WDFY3: variants seen among roughly 807,000 people sequenced by gnomAD.
WDFY3 encodes the protein WD repeat and FYVE domain containing 3.
A neutral mutation model predicts 409.6 loss-of-function variants in WDFY3; 66 were observed. The ratio of observed to expected loss-of-function variants is 0.16; its 90% CI spans 0.13 to 0.20. The LOEUF is 0.20. Ranked by LOEUF, WDFY3 falls within the 10% of genes least tolerant of loss-of-function variation. The pLI, the probability that WDFY3 is intolerant of heterozygous loss-of-function variation, is 1.00. For synonymous variants in WDFY3, 1,521 were observed against 1,537.1 expected, an observed-to-expected ratio of 0.99 and a Z score of 0.25; for missense variants, 3,031 against 4,298.1, an observed-to-expected ratio of 0.71 and a Z score of 8.24.
chr4:84,947,234 C>T (rs1772971196), intron 1 of WDFY3, among the ~76,000 whole-genome samples: 5 of 151,278 alleles, frequency 3.3e-5, no homozygotes, highest in African/African-American at 1.2e-4. Flanking sequence ...TGCTAGGGGC[C>T]GGGCACAGTG....
intron 3 of WDFY3, among the ~76,000 whole-genome samples, chr4:84,896,202 G>A (rs908261813): frequency 2.6e-5 from 4 of 152,080 alleles, no homozygotes; most frequent in South Asian, 2.1e-4. Context: ...GTTGCAGTGA[G>A]CCGAGATTGT....
chr4:84,849,764 A>AAGAAAG (rs1473687895), intron 5 of WDFY3, 138 bp downstream of exon 5: 6 of 1,223,578 alleles, frequency 4.9e-6, no homozygotes, highest in Non-Finnish European at 6.7e-6. Flanking sequence ...ATGTGACTCT[A>AAGAAAG]AGAAAGGGAA....
chr4:84,910,851 G>A (rs1346072985), intron 2 of WDFY3, among the ~76,000 whole-genome samples: 1 of 151,648 alleles, frequency 6.6e-6, no homozygotes, highest in Non-Finnish European at 1.5e-5. Flanking sequence ...GATTACAGGT[G>A]TGTGCCACCA....
intron 3 of WDFY3, among the ~76,000 whole-genome samples, chr4:84,884,614 G>A (rs1334704857): frequency 6.6e-6 from 1 of 152,088 alleles, no homozygotes; most frequent in African/African-American, 2.4e-5. Context: ...TAATTTAAAT[G>A]TACTTAGGAA....
chr4:84,966,131 G>A (rs13123388), intron 1 of WDFY3, 78 bp downstream of exon 1: 2 of 151,782 alleles, frequency 1.3e-5, no homozygotes, highest in African/African-American at 4.8e-5. Flanking sequence ...CACGAACAAA[G>A]CGGCCAGGCG....
chr4:84,678,362 T>A, intron 65 of WDFY3, 83 bp from the exon 66 acceptor site: 1 of 1,007,436 alleles, frequency 9.9e-7, no homozygotes. Flanking sequence ...ATGGTGGCCT[T>A]AAACTTAGGG....
At chr4:84,905,363 C>T (rs1401968717) in intron 2 of WDFY3, among the ~76,000 whole-genome samples, 1 of 151,942 alleles carries the variant, frequency 6.6e-6, no homozygotes, top group Non-Finnish European at 1.5e-5. Context: ...TAAATAAATT[C>T]TTGACTTCCC....
At chr4:84,832,943 A>G (rs2149946170) in intron 7 of WDFY3, among the ~76,000 whole-genome samples, 1 of 152,262 alleles carries the variant, frequency 6.6e-6, no homozygotes, top group African/African-American at 2.4e-5. Context: ...GATCTTTAAA[A>G]GCAAAGATAT....
chr4:84,943,633 A>G (rs995940549), intron 1 of WDFY3, among the ~76,000 whole-genome samples: 2 of 152,230 alleles, frequency 1.3e-5, no homozygotes, highest in Non-Finnish European at 2.9e-5. Flanking sequence ...ATGCAGATCA[A>G]CTACACAGGA....
In WDFY3 at chr4:84,737,234, G is replaced by C; in HGVS notation, c.6707C>G (p.Ala2236Gly). 2.5e-6 allele frequency: 4 copies of C among 1,614,098 alleles called. No homozygotes were observed. The highest frequency in any genetic ancestry group is 1.7e-6 in the Non-Finnish European group (2 of 1,180,008). The change falls in exon 41 of 68, where the codon GCA (alanine) becomes GGA (glycine). Residue 2236 changes from alanine (A) to glycine (G), a missense_variant. Transcript: ENST00000295888. ...GGCAGCTTCTTCAATGAGTGGCCTT[G>C]CTGTAGCTATGTCCACGTGGCCCCT... ...NERGHVDIAT[A>G]RPLIEEAALK... is the part of the protein sequence containing the mutation.
chr4:84,726,782 T>G, intron 45 of WDFY3, 79 bp downstream of exon 45: 1 of 1,252,776 alleles, frequency 8.0e-7, no homozygotes, highest in Non-Finnish European at 1.1e-6. Flanking sequence ...TAGTCTACCA[T>G]GCACTTAAAA....
chr4:84,920,999 A>G (rs1439859039), intron 2 of WDFY3, among the ~76,000 whole-genome samples: 3 of 152,172 alleles, frequency 2.0e-5, no homozygotes, highest in Non-Finnish European at 2.9e-5. Context: ...TGAAATTTGA[A>G]TATGTCACTC....
Position 84,794,893 on chromosome 4 carries a change from C to G in WDFY3, c.3254G>C (p.Ser1085Thr). 1 of 1,571,772 alleles carries G rather than the reference C, an allele frequency of 6.4e-7. No homozygotes were observed. Residue 1085 changes from serine (S) to threonine (T), a missense_variant, in exon 20 of 68, where the codon AGT becomes ACT. Coordinates refer to ENST00000295888, the MANE Select transcript of WDFY3 (RefSeq NM_014991.6). ...ATATTACTTACCAGAACCAATGCCA[C>G]TGACCACAGCCCCATCAATAAGACC... is the stretch of plus-strand genomic sequence containing the variant. The part of the protein sequence containing the change: ...TTGLIDGAVV[S>T]GIGSGERFFP...
At chr4:84,823,275 T>A (rs189036749) in intron 10 of WDFY3, among the ~76,000 whole-genome samples, 1 of 152,240 alleles carries the variant, frequency 6.6e-6, no homozygotes, top group East Asian at 1.9e-4. Context: ...CTTTCTACCC[T>A]CTATGATAAT....
At chr4:84,826,535 G>C (rs1003782909) in intron 10 of WDFY3, among the ~76,000 whole-genome samples, 1 of 152,098 alleles carries the variant, frequency 6.6e-6, no homozygotes, top group East Asian at 1.9e-4. Context: ...TTCAAAAGAA[G>C]CATGTTTTGA....
chr4:84,774,715 G>T, intron 29 of WDFY3, 105 bp downstream of exon 29: 1 of 1,098,764 alleles, frequency 9.1e-7, no homozygotes. Context: ...AACATTACAG[G>T]TGTTATTACA....
chr4:84,759,838 A>G (rs1742203230), intron 32 of WDFY3, among the ~76,000 whole-genome samples: 1 of 150,838 alleles, frequency 6.6e-6, no homozygotes, highest in Non-Finnish European at 1.5e-5. Flanking sequence ...TTCCAACACT[A>G]TGTTGAATAG....
rs543559489 is a variant in WDFY3 at position 84,912,337 on chromosome 4, G to GT, written c.-131-15328_-131-15327insA. Among the ~76,000 whole-genome samples, 165 of 152,306 alleles carry GT rather than the reference G, an allele frequency of 1.1e-3. 2 individuals carry two copies. Among genetic ancestry groups the GT allele is most frequent in the African/African-American group, 3.7e-3 (154 of 41,570 alleles). On this transcript the variant is annotated intron_variant, in intron 2 of 67. Coordinates refer to ENST00000295888, the MANE Select transcript of WDFY3 (RefSeq NM_014991.6). ...AAGGACCACTGTAAAAACAGAGAGGGAAACTGGTGAAGCCATCACTGCAGC... is the reference window on the plus strand; with the variant it reads ...AAGGACCACTGTAAAAACAGAGAGGGTAAACTGGTGAAGCCATCACTGCAGC...
At chr4:84,714,649 C>G (rs1371061412) in intron 50 of WDFY3, among the ~76,000 whole-genome samples, 6 of 152,092 alleles carry the variant, frequency 3.9e-5, no homozygotes, top group Non-Finnish European at 8.8e-5. Flanking sequence ...TATTTTGAAA[C>G]TAAAGTTTTA....
Sources: gnomAD v4.1 joint callset for allele counts (sites outside exome capture counted in the v4.1 genomes callset) on GRCh38, gnomAD v4.1.1 for gene constraint, MANE v1.5 for transcripts, NCBI Gene and HGNC (gene_info 2026-07-23, HGNC 2026-07-21) for gene names.